IFFO1: variants seen among roughly 807,000 people sequenced by gnomAD.
IFFO1 encodes intermediate filament family orphan 1.
A neutral mutation model predicts 59.6 loss-of-function variants in IFFO1; 42 were observed. The ratio of observed to expected loss-of-function variants is 0.70; its 90% confidence interval spans 0.55 to 0.91. The LOEUF (loss-of-function observed/expected upper bound fraction) is 0.91, where lower values mean the gene tolerates loss of function less well. Among genes scored for constraint, IFFO1 ranks in the 40% least tolerant of loss-of-function variants. The pLI is 0.00. For missense variants in IFFO1, 711 were observed against 793.2 expected (o/e 0.90, Z 1.24); for synonymous variants, 336 against 342.8 (o/e 0.98, Z 0.22).
intron 1 of IFFO1, among the ~76,000 whole-genome samples, chr12:6,553,831 G>T (rs1461299296): frequency 6.6e-6 from 1 of 152,096 alleles, no homozygotes; most frequent in East Asian, 1.9e-4. Context: ...CCATCACTTT[G>T]CAATTATTGA....
chr12:6,549,190 T>TAAA lies in IFFO1; in HGVS notation c.1080+283_1080+285dup, dbSNP rs11439256. ...AGTCTTTTTGATTAAATGACTCAACTAAAAAAAAAAAAGCTTTAGGACGCA... is the reference window on the plus strand; with the variant it reads ...AGTCTTTTTGATTAAATGACTCAACTAAAAAAAAAAAAAAAGCTTTAGGACGCA... On this transcript the variant is annotated intron_variant, in intron 5 of 9. Transcript: ENST00000619571. The surrounding 1 kb of genome is among the most constrained non-coding windows in gnomAD (Gnocchi z 5.0). The TAAA allele has an allele frequency of 3.2e-5, 14 of 437,256 alleles. No homozygotes were observed. Among genetic ancestry groups the TAAA allele is most frequent in the African/African-American group, 2.0e-4 (9 of 45,462 alleles). The allele number at this position is 437,256 out of a possible 1,614,324, so 27.1% of individuals were successfully genotyped here.
chr12:6,545,342 T>C (rs555809937), intron 8 of IFFO1, among the ~76,000 whole-genome samples: 1 of 152,314 alleles, frequency 6.6e-6, no homozygotes, highest in African/African-American at 2.4e-5. Context: ...AATGAAATAT[T>C]CCAGAAATAA....
Position 6,550,415 on chromosome 12 carries a change from GCC to G in IFFO1, c.930+278_930+279del. On this transcript the variant is annotated intron_variant, in intron 3 of 9. Transcript: ENST00000619571. ...TCAGAGGCTGAGGAATCGGCCCAGC[GCC>G]CCGGCGCCAGCTGCAGAGCCTCCAC... The G allele has an allele frequency of 9.7e-6, 5 of 515,406 alleles. No homozygotes were observed. The South Asian group carries it at 1.3e-4, about 13-fold the overall frequency. The allele number at this position is 515,406 out of a possible 1,614,324, so 31.9% of individuals were successfully genotyped here. A position where few individuals can be genotyped will look rare whatever the true frequency, so the allele number is the denominator to read the frequency against.
intron 8 of IFFO1, among the ~76,000 whole-genome samples, chr12:6,542,276 T>C (rs1164888480): frequency 6.6e-6 from 1 of 152,210 alleles, no homozygotes; most frequent in Non-Finnish European, 1.5e-5. Flanking sequence ...AGACCTGTCC[T>C]GATTTCAGAA....
chr12:6,545,778 C>T (rs1308211655), intron 8 of IFFO1, among the ~76,000 whole-genome samples: 2 of 151,928 alleles, frequency 1.3e-5, no homozygotes, highest in Non-Finnish European at 2.9e-5. Flanking sequence ...ACTGTCTATA[C>T]TGCCTGCCCA....
rs1946733431 is a variant in IFFO1, at chr12:6,541,852, G to A, written c.1480-210C>T. Among the ~76,000 whole-genome samples, 1 of 152,248 alleles carries A rather than the reference G, an allele frequency of 6.6e-6. No homozygotes were observed. The highest frequency in any genetic ancestry group is 1.5e-5 in the Non-Finnish European group (1 of 68,040). On this transcript the variant is annotated intron_variant, in intron 8 of 9. Coordinates refer to ENST00000619571, the MANE Select transcript of IFFO1 (RefSeq NM_001193457.2). This position sits in a 1 kb window ranked among gnomAD's most constrained non-coding sequence, Gnocchi z 4.8. ...TCCTCTGCTTTTCCTGGAAATCTTTGCCTATGGAGGAATGCAAAGGTACTG... is the reference window on the plus strand; with the variant it reads ...TCCTCTGCTTTTCCTGGAAATCTTTACCTATGGAGGAATGCAAAGGTACTG...
rs567335286 is a variant in IFFO1 at position 6,549,375 on chromosome 12, G to A, written c.1080+101C>T. 7.1e-5 allele frequency: 84 copies of A among 1,175,856 alleles called. No homozygotes were observed. In the African/African-American group the frequency reaches 7.2e-4, roughly 10 times the overall value. The allele number at this position is 1,175,856 out of a possible 1,614,324, so 72.8% of individuals were successfully genotyped here. A position where few individuals can be genotyped will look rare whatever the true frequency, so the allele number is the denominator to read the frequency against. On this transcript the variant is annotated intron_variant, in intron 5 of 9. Coordinates refer to ENST00000619571, the MANE Select transcript of IFFO1 (RefSeq NM_001193457.2). This position sits in a 1 kb window ranked among gnomAD's most constrained non-coding sequence, Gnocchi z 5.0. ...AAAGGGAAAGGGCAGAAAAAAATCC[G>A]TGCTCAAGAGCCCAGCGGGCCCAAA...
Position 6,555,356 on chromosome 12 carries a change from T to A in IFFO1, c.674A>T (p.Asp225Val), listed in dbSNP as rs761153003. Residue 225 changes from aspartate (D) to valine (V), a missense_variant, in exon 1 of 10, where the codon GAT becomes GTT. By Grantham distance (152) the Asp-to-Val change is radical (BLOSUM62 -3). Coordinates refer to ENST00000619571, the MANE Select transcript of IFFO1 (RefSeq NM_001193457.2). This position sits in a 1 kb window ranked among gnomAD's most constrained non-coding sequence, Gnocchi z 8.6. The part of the protein sequence containing the change: ...QGPGLSWVHP[D>V]GVGVQIDTIT... Reference sequence around the variant, plus strand: ...GGTGTCGATCTGGACGCCCACCCCATCCGGGTGCACCCACGACAAGCCAGG... The same window carrying A: ...GGTGTCGATCTGGACGCCCACCCCAACCGGGTGCACCCACGACAAGCCAGG... 3 of 1,614,010 alleles carry A rather than the reference T, an allele frequency of 1.9e-6. No individual in the cohort carries two copies. Among genetic ancestry groups the A allele is most frequent in the Non-Finnish European group, 2.5e-6 (3 of 1,179,970 alleles).
chr12:6,541,021 CA>C lies in IFFO1; in HGVS notation c.1611-434del, dbSNP rs34135055. Among the ~76,000 whole-genome samples the C allele has an allele frequency of 1.5e-3, 200 of 133,050 alleles. No individual in the cohort carries two copies. Among genetic ancestry groups the C allele is most frequent in the Non-Finnish European group, 1.5e-3 (95 of 62,190 alleles). The allele number at this position is 133,050 out of a possible 152,430, so 87.3% of individuals were successfully genotyped here. ...CTGGGAGGCGGAGGTTGTAGTGAGCCAAAAAAAAAAAAAAAAGAAATAGCTG... is the reference window on the plus strand; with the variant it reads ...CTGGGAGGCGGAGGTTGTAGTGAGCCAAAAAAAAAAAAAAAGAAATAGCTG... On this transcript the variant is annotated intron_variant, in intron 9 of 9. Coordinates refer to ENST00000619571, the MANE Select transcript of IFFO1 (RefSeq NM_001193457.2). The surrounding 1 kb of genome is among the most constrained non-coding windows in gnomAD (Gnocchi z 4.8).
rs1946697611 is a variant in IFFO1, at chr12:6,541,260, C to T, written c.1610+252G>A. 6.6e-6 allele frequency among the ~76,000 whole-genome samples: 1 copy of T among 152,156 alleles called. No homozygotes were observed. The highest frequency in any genetic ancestry group is 6.5e-5 in the Admixed American group (1 of 15,270). On this transcript the variant is annotated intron_variant, in intron 9 of 9. Coordinates refer to ENST00000619571, the MANE Select transcript of IFFO1 (RefSeq NM_001193457.2). This position sits in a 1 kb window ranked among gnomAD's most constrained non-coding sequence, Gnocchi z 4.8. ...TGTTCCTTGCCAGTTTTTAAACTGCCTCTAACCAGGGGAACCACCAGAGCT... is the reference window on the plus strand; with the variant it reads ...TGTTCCTTGCCAGTTTTTAAACTGCTTCTAACCAGGGGAACCACCAGAGCT...
chr12:6,541,700 T>G lies in IFFO1; in HGVS notation c.1480-58A>C. ...ACAGGTGGCGTTCACAGCGCCTCTG[T>G]TGCCCCCGCCAGGAGGCCAACACGC... On this transcript the variant is annotated intron_variant, in intron 8 of 9. Transcript: ENST00000619571. The surrounding 1 kb of genome is among the most constrained non-coding windows in gnomAD (Gnocchi z 4.8). The G allele has an allele frequency of 1.2e-6, 2 of 1,604,942 alleles. No homozygotes were observed. Among genetic ancestry groups the G allele is most frequent in the Non-Finnish European group, 1.7e-6 (2 of 1,176,286 alleles).
rs1947381145 is a variant in IFFO1, at chr12:6,555,230, G to T, written c.773+27C>A. 1 of 1,609,696 alleles carries T rather than the reference G, an allele frequency of 6.2e-7. No individual in the cohort carries two copies. The highest frequency in any genetic ancestry group is 8.5e-7 in the Non-Finnish European group (1 of 1,176,336). On this transcript the variant is annotated intron_variant, in intron 1 of 9. Coordinates refer to ENST00000619571, the MANE Select transcript of IFFO1 (RefSeq NM_001193457.2). This position sits in a 1 kb window ranked among gnomAD's most constrained non-coding sequence, Gnocchi z 8.6. ...CGTTGTGAGTGGTATGACACAGAGA[G>T]ACCTGTCCCCCTTTCCCAATCCCTA... is the stretch of plus-strand genomic sequence containing the variant.
At chr12:6,542,076 C>T (rs569994376) in intron 8 of IFFO1, among the ~76,000 whole-genome samples, 4 of 152,290 alleles carry the variant, frequency 2.6e-5, no homozygotes, top group Admixed American at 6.5e-5. Flanking sequence ...ACAGGTTTTC[C>T]TCATCCTGGC....
chr12:6,555,339 T>C lies in IFFO1; in HGVS notation c.691A>G (p.Ile231Val), dbSNP rs1947389099. 1.9e-6 allele frequency: 3 copies of C among 1,614,006 alleles called. No homozygotes were observed. The change falls in exon 1 of 10, where the codon ATC (isoleucine) becomes GTC (valine). Residue 231 changes from isoleucine to valine, a missense_variant. Physicochemically the swap from Ile to Val is conservative, Grantham distance 29. Coordinates refer to ENST00000619571, the MANE Select transcript of IFFO1 (RefSeq NM_001193457.2). This position sits in a 1 kb window ranked among gnomAD's most constrained non-coding sequence, Gnocchi z 8.6. ...WVHPDGVGVQ[I>V]DTITPEIRAL... ...CGGATCTCGGGCGTGATGGTGTCGA[T>C]CTGGACGCCCACCCCATCCGGGTGC...
chr12:6,546,769 G>A (rs551537349), intron 8 of IFFO1, among the ~76,000 whole-genome samples: 3 of 152,294 alleles, frequency 2.0e-5, no homozygotes, highest in African/African-American at 7.2e-5. Flanking sequence ...GATTACAGGC[G>A]TGAGCCACCG....
At chr12:6,540,836 A>C (rs534187930) in intron 9 of IFFO1, among the ~76,000 whole-genome samples, 4 of 152,324 alleles carry the variant, frequency 2.6e-5, no homozygotes, top group African/African-American at 9.6e-5. Flanking sequence ...CACGCCTGTA[A>C]TTCCAGCACT....
chr12:6,547,867 G>C (rs919253433), intron 8 of IFFO1, among the ~76,000 whole-genome samples, 198 bp downstream of exon 8: 2 of 152,158 alleles, frequency 1.3e-5, no homozygotes, highest in African/African-American at 4.8e-5. Flanking sequence ...TAACAGAGCT[G>C]AGATTTGAAC....
At chr12:6,551,742 G>A in intron 1 of IFFO1, 2 of 350,826 alleles carry the variant, frequency 5.7e-6, no homozygotes, top group South Asian at 2.2e-5. Flanking sequence ...AGTATGTAAA[G>A]GGGCCCGGTG....
At chr12:6,553,884 G>A (rs554577744) in intron 1 of IFFO1, among the ~76,000 whole-genome samples, 75 of 152,220 alleles carry the variant, frequency 4.9e-4, no homozygotes, top group African/African-American at 1.8e-3. Context: ...ATGCTTTCAC[G>A]GGAGACAGAG....
Sources: allele counts gnomAD v4.1 joint callset (sites outside exome capture counted in the v4.1 genomes callset), GRCh38; gene constraint gnomAD v4.1.1; non-coding constraint Gnocchi (gnomAD v3.1); transcripts MANE v1.5; gene names NCBI Gene and HGNC (gene_info 2026-07-23, HGNC 2026-07-21).